Variants in PIK3C2G observed in about 807,000 individuals in gnomAD.
PIK3C2G encodes the protein phosphatidylinositol-4-phosphate 3-kinase catalytic subunit type 2 gamma, also known as phosphatidylinositol 3-kinase C2 domain-containing subunit gamma.
Under a neutral mutation model 181.1 loss-of-function variants are expected in PIK3C2G, and 168 were observed. The ratio of observed to expected loss-of-function variants is 0.93; its 90% CI spans 0.82 to 1.05. The LOEUF is 1.05. PIK3C2G is among the 50% of genes least tolerant of loss of function. The pLI is 0.00. For synonymous variants in PIK3C2G, 573 were observed against 592.2 expected (o/e 0.97, Z 0.47); for missense variants, 1,869 against 1,732.8 (o/e 1.08, Z -1.40).
chr12:18,701,914 C>A, the PIK3C2G span: 1 of 1,251,460 alleles, frequency 8.0e-7, no homozygotes, highest in Non-Finnish European at 1.1e-6. Context: ...TTTCCCATAC[C>A]CCTATTCACA....
At chr12:18,641,528 C>T (rs1245098176) in intron 32 of PIK3C2G, among the ~76,000 whole-genome samples, 1 of 152,116 alleles carries the variant, frequency 6.6e-6, no homozygotes, top group East Asian at 1.9e-4. Flanking sequence ...TTCTCTACCA[C>T]TTATTTCCAT....
At chr12:18,647,352 T>G (rs1950190342) in intron 32 of PIK3C2G, among the ~76,000 whole-genome samples, 1 of 151,814 alleles carries the variant, frequency 6.6e-6, no homozygotes, top group Non-Finnish European at 1.5e-5. Flanking sequence ...GGGTGCTACG[T>G]TCACTACTTA....
intron 18 of PIK3C2G, among the ~76,000 whole-genome samples, chr12:18,479,004 T>C (rs960336434): frequency 6.8e-6 from 1 of 147,926 alleles, no homozygotes; most frequent in Non-Finnish European, 1.5e-5. Context: ...TATATATGTA[T>C]ATATATATTT....
chr12:18,540,733 T>G lies in PIK3C2G; in HGVS notation c.3480+2421T>G, dbSNP rs113997897. On this transcript the variant is annotated intron_variant, in intron 25 of 32. Transcript: ENST00000538779. ...GCTCTTTTAGGCTAAGGAAGAAAAT[T>G]TGGCAGTGGAAGGCACTAATCCAGA... 3.7e-3 allele frequency among the ~76,000 whole-genome samples: 557 copies of G among 152,018 alleles called. 2 individuals carry two copies. The highest frequency in any genetic ancestry group is 0.013 in the African/African-American group (543 of 41,534).
At chr12:18,650,712 CTATATA>C (rs1157799425), downstream of PIK3C2G, among the ~76,000 whole-genome samples, 266 of 14,404 alleles carry the variant, frequency 0.018, 1 homozygote, top group East Asian at 0.034. Flanking sequence ...GTGTATATAT[CTATATA>C]TATATATATA....
intron 24 of PIK3C2G, among the ~76,000 whole-genome samples, chr12:18,531,749 G>A (rs1046851604): frequency 2.6e-5 from 4 of 152,106 alleles, no homozygotes; most frequent in African/African-American, 7.2e-5. Context: ...TTCTTAATAT[G>A]TATGTACCAT....
At chr12:18,655,466 A>G in the PIK3C2G span, among the ~76,000 whole-genome samples, 276 of 152,348 alleles carry the variant, frequency 1.8e-3, 2 homozygotes, top group African/African-American at 6.4e-3. Context: ...CTAATTATTT[A>G]TGGAGATGTT....
chr12:18,659,296 C>A, the PIK3C2G span, among the ~76,000 whole-genome samples: 3 of 152,106 alleles, frequency 2.0e-5, no homozygotes, highest in Non-Finnish European at 4.4e-5. Context: ...TAGTCCCGTA[C>A]AATAGATGAG....
intron 26 of PIK3C2G, among the ~76,000 whole-genome samples, chr12:18,557,693 A>T (rs1565504861): frequency 6.6e-6 from 1 of 152,148 alleles, no homozygotes; most frequent in East Asian, 1.9e-4. Context: ...ATGACTGTGT[A>T]CATACAAATT....
At chr12:18,679,317 A>G in the PIK3C2G span, among the ~76,000 whole-genome samples, 1 of 152,018 alleles carries the variant, frequency 6.6e-6, no homozygotes, top group Non-Finnish European at 1.5e-5. Flanking sequence ...AATCAACTCT[A>G]TCATTTATTT....
chr12:18,674,588 C>T, the PIK3C2G span, among the ~76,000 whole-genome samples: 1 of 152,182 alleles, frequency 6.6e-6, no homozygotes, highest in Non-Finnish European at 1.5e-5. Context: ...AACCATTATT[C>T]TTGAGAGAGT....
At chr12:18,396,258 T>G (rs1374283437) in intron 15 of PIK3C2G, among the ~76,000 whole-genome samples, 1 of 151,674 alleles carries the variant, frequency 6.6e-6, no homozygotes, top group South Asian at 2.1e-4. Flanking sequence ...AATAATACTT[T>G]CCAGGAAAAT....
intron 15 of PIK3C2G, among the ~76,000 whole-genome samples, chr12:18,393,481 C>A: frequency 6.6e-6 from 1 of 151,182 alleles, no homozygotes; most frequent in African/African-American, 2.4e-5. Flanking sequence ...AGTTCAGACT[C>A]AATGAAACTC....
At chr12:18,610,426 C>G (rs1045246221) in intron 31 of PIK3C2G, among the ~76,000 whole-genome samples, 1 of 151,972 alleles carries the variant, frequency 6.6e-6, no homozygotes, top group Admixed American at 6.6e-5. Flanking sequence ...TGACACACAT[C>G]CATAACATAT....
At chr12:18,677,977 G>C in the PIK3C2G span, among the ~76,000 whole-genome samples, 12 of 152,064 alleles carry the variant, frequency 7.9e-5, no homozygotes, top group Non-Finnish European at 1.0e-4. Context: ...TCAATCAAGA[G>C]AGTATGTCAA....
At chr12:18,554,200 C>T (rs1056581573) in intron 26 of PIK3C2G, among the ~76,000 whole-genome samples, 2 of 152,044 alleles carry the variant, frequency 1.3e-5, no homozygotes, top group Non-Finnish European at 2.9e-5. Context: ...GAGCGCTCTT[C>T]CCAGGACACA....
At chr12:18,587,395 A>T (rs1946841470) in intron 29 of PIK3C2G, among the ~76,000 whole-genome samples, 1 of 152,120 alleles carries the variant, frequency 6.6e-6, no homozygotes, top group South Asian at 2.1e-4. Context: ...AAGGAGTAGC[A>T]TTCCTATACA....
Position 18,409,652 on chromosome 12 carries a change from T to A in PIK3C2G, c.2315+9805T>A, listed in dbSNP as rs76110736. 7.0e-3 allele frequency among the ~76,000 whole-genome samples: 1,068 copies of A among 152,206 alleles called. 6 individuals carry two copies. Among genetic ancestry groups the A allele is most frequent in the African/African-American group, 0.019 (781 of 41,530 alleles). On this transcript the variant is annotated intron_variant, in intron 16 of 32. Transcript: ENST00000538779. The stretch of plus-strand genomic sequence containing the variant: ...TCGGAAGGTGGCAGCAATGATGTAA[T>A]TAAATGAACAGAATGAGAAAATGGG...
At chr12:18,482,165 C>T (rs1369746107) in intron 18 of PIK3C2G, among the ~76,000 whole-genome samples, 2 of 149,968 alleles carry the variant, frequency 1.3e-5, no homozygotes, top group East Asian at 4.0e-4. Context: ...ACCCGCCCCC[C>T]GCCACCCTCG....
Sources: allele counts gnomAD v4.1 joint callset (sites outside exome capture counted in the v4.1 genomes callset), GRCh38; gene constraint gnomAD v4.1.1; transcripts MANE v1.5; gene names NCBI Gene and HGNC (gene_info 2026-07-23, HGNC 2026-07-21).